MRPL44: variants seen among roughly 807,000 people sequenced by gnomAD.
MRPL44 encodes the protein mitochondrial ribosomal protein L44.
A neutral mutation model predicts 25.9 loss-of-function variants in MRPL44; 21 were observed. That is an observed-to-expected ratio of 0.81 (90% CI 0.58 to 1.17). The LOEUF is 1.17. Ranked by LOEUF, MRPL44 falls within the 50% of genes most tolerant of loss-of-function variation. MRPL44 has a pLI of 0.00. For synonymous variants in MRPL44, 169 were observed against 151.0 expected (o/e 1.12, Z -0.87); for missense variants, 410 against 398.9 (o/e 1.03, Z -0.24).
At chr2:223,952,548 A>G (rs1419117014), upstream of MRPL44, among the ~76,000 whole-genome samples, 7 of 152,152 alleles carry the variant, frequency 4.6e-5, no homozygotes, top group Non-Finnish European at 1.0e-4. Context: ...TGATACAATT[A>G]TGGCAATACT....
chr2:223,960,041 A>C lies in MRPL44; in HGVS notation c.648+39A>C, dbSNP rs1189476663. The C allele has an allele frequency of 2.8e-6, 4 of 1,446,014 alleles. No individual in the cohort carries two copies. In the Admixed American group the frequency reaches 8.6e-5, roughly 31 times the overall value. The allele number at this position is 1,446,014 out of a possible 1,614,324, so 89.6% of individuals were successfully genotyped here. A position where few individuals can be genotyped will look rare whatever the true frequency, so the allele number is the denominator to read the frequency against. On this transcript the variant is annotated intron_variant, in intron 2 of 3. Coordinates refer to ENST00000258383, the MANE Select transcript of MRPL44 (RefSeq NM_022915.5). ...AATTGGACATGCTTGAGATAGACAG[A>C]AGGGAAAATATTCTTTTGTAATTCA...
At chr2:223,957,443 G>C (rs1176432141), upstream of MRPL44, 2 of 1,613,816 alleles carry the variant, frequency 1.2e-6, no homozygotes, top group Non-Finnish European at 1.7e-6. Flanking sequence ...GACTACTTTC[G>C]TTCCGTCTTC....
chr2:223,959,172 T>C (rs895507248), intron 1 of MRPL44, among the ~76,000 whole-genome samples: 1 of 152,214 alleles, frequency 6.6e-6, no homozygotes. Context: ...GGCTTGAATC[T>C]GTGAAATTAA....
At chr2:223,959,290 T>C (rs1431288101) in intron 1 of MRPL44, among the ~76,000 whole-genome samples, 3 of 152,206 alleles carry the variant, frequency 2.0e-5, no homozygotes, top group Non-Finnish European at 2.9e-5. Context: ...AAGAACCAAT[T>C]TCATGTGACA....
At chr2:223,951,296 T>A in the MRPL44 span, among the ~76,000 whole-genome samples, 2 of 152,224 alleles carry the variant, frequency 1.3e-5, no homozygotes, top group Non-Finnish European at 2.9e-5. Context: ...AAAGAGAAAT[T>A]ATTTATTTTT....
At chr2:223,966,775 G>A (rs772056809) in intron 3 of MRPL44, 88 bp from the exon 4 acceptor site, 8 of 1,135,790 alleles carry the variant, frequency 7.0e-6, no homozygotes, top group South Asian at 5.1e-5. Flanking sequence ...TGAAATAGAT[G>A]TAGAAGGCAT....
chr2:223,957,284 C>G (rs1019798159), upstream of MRPL44: 32 of 654,042 alleles, frequency 4.9e-5, no homozygotes, highest in South Asian at 5.4e-4. Flanking sequence ...AGCGTAGCCT[C>G]AAGGCGGCCG....
chr2:223,967,311 C>A lies in MRPL44; in HGVS notation c.*277C>A. The A allele has an allele frequency of 3.9e-6, 1 of 255,406 alleles. No individual in the cohort carries two copies. The highest frequency in any genetic ancestry group is 7.5e-6 in the Non-Finnish European group (1 of 134,188). The allele number at this position is 255,406 out of a possible 1,614,324, so 15.8% of individuals were successfully genotyped here. Reference sequence around the variant, plus strand: ...GCAGTGGTGCGATCTCGGCTCACTGCAACCTCCACCTCACAGGTTCAAGCG... The same window carrying A: ...GCAGTGGTGCGATCTCGGCTCACTGAAACCTCCACCTCACAGGTTCAAGCG... On this transcript the variant is annotated 3_prime_UTR_variant, in exon 4 of 4. Coordinates refer to ENST00000258383, the MANE Select transcript of MRPL44 (RefSeq NM_022915.5).
intron 2 of MRPL44, among the ~76,000 whole-genome samples, chr2:223,960,883 G>A (rs1275277662): frequency 6.6e-6 from 1 of 152,150 alleles, no homozygotes; most frequent in Non-Finnish European, 1.5e-5. Context: ...AATTCTACAA[G>A]GTAGTCATGA....
upstream of MRPL44, among the ~76,000 whole-genome samples, chr2:223,957,252 A>AAG (rs1278303730): frequency 6.6e-6 from 1 of 152,202 alleles, no homozygotes; most frequent in African/African-American, 2.4e-5. Context: ...AAGTAACTCG[A>AAG]AGAGAGGAGA....
At chr2:223,958,273 G>A (rs1168549128) in intron 1 of MRPL44, among the ~76,000 whole-genome samples, 3 of 152,064 alleles carry the variant, frequency 2.0e-5, no homozygotes, top group South Asian at 4.1e-4. Context: ...TCTTTTTTAT[G>A]GCTCTGTATA....
intron 1 of MRPL44, among the ~76,000 whole-genome samples, chr2:223,958,813 A>T (rs1360578005): frequency 6.6e-6 from 1 of 152,218 alleles, no homozygotes; most frequent in Non-Finnish European, 1.5e-5. Context: ...CCCAGTGTAT[A>T]CCTAAGTTAT....
upstream of MRPL44, chr2:223,957,446 C>T (rs952373634): frequency 1.2e-6 from 2 of 1,613,954 alleles, no homozygotes; most frequent in South Asian, 1.1e-5. Context: ...TACTTTCGTT[C>T]CGTCTTCCAT....
At chr2:223,959,422 C>A in intron 1 of MRPL44, 112 bp from the exon 2 acceptor site, 1 of 834,316 alleles carries the variant, frequency 1.2e-6, no homozygotes, top group Non-Finnish European at 1.9e-6. Context: ...AGAAATATAA[C>A]CTTCTTTCAT....
intron 3 of MRPL44, among the ~76,000 whole-genome samples, chr2:223,964,620 T>A (rs1024320042): frequency 6.6e-6 from 1 of 152,190 alleles, no homozygotes; most frequent in Admixed American, 6.5e-5. Flanking sequence ...AGATACTCTT[T>A]GTTACTTACC....
chr2:223,956,896 G>A (rs1186928085), upstream of MRPL44, among the ~76,000 whole-genome samples: 3 of 152,022 alleles, frequency 2.0e-5, no homozygotes. Flanking sequence ...GTCATTTTCC[G>A]GATGTTTAAA....
chr2:223,957,599 A>G lies in MRPL44; in HGVS notation c.127A>G (p.Lys43Glu). Residue 43 changes from lysine to glutamate, a missense_variant, in exon 1 of 4, where the codon AAG becomes GAG. Coordinates refer to ENST00000258383, the MANE Select transcript of MRPL44 (RefSeq NM_022915.5). ...ATTCCGCGCCGCCTTCCGCTTCCAG[A>G]AGGAGTTAGAGCGGCAGCGCCTTCT... Reference protein sequence around the residue: ...KGFRAAFRFQKELERQRLLRC... With the variant: ...KGFRAAFRFQEELERQRLLRC... The G allele has an allele frequency of 6.2e-7, 1 of 1,613,080 alleles. No individual in the cohort carries two copies. Among genetic ancestry groups the G allele is most frequent in the Non-Finnish European group, 8.5e-7 (1 of 1,179,950 alleles).
At chr2:223,951,505 A>G in the MRPL44 span, among the ~76,000 whole-genome samples, 1 of 53,344 alleles carries the variant, frequency 1.9e-5, no homozygotes, top group Non-Finnish European at 4.6e-5. Flanking sequence ...TTTCAGACAG[A>G]GTCTCGCTCT....
At chr2:223,965,937 GTCC>G (rs1559186171) in intron 3 of MRPL44, 1 of 151,594 alleles carries the variant, frequency 6.6e-6, no homozygotes, top group Non-Finnish European at 1.5e-5. Flanking sequence ...GGCTCAAGCA[GTCC>G]TCCTGCTTTG....
Sources: gnomAD v4.1 joint callset for allele counts (sites outside exome capture counted in the v4.1 genomes callset) on GRCh38, gnomAD v4.1.1 for gene constraint, MANE v1.5 for transcripts, NCBI Gene and HGNC (gene_info 2026-07-23, HGNC 2026-07-21) for gene names.